MYH10: variants seen among roughly 807,000 people sequenced by gnomAD.
MYH10 encodes the protein myosin heavy chain 10, also known as myosin-10.
A neutral mutation model predicts 257.8 loss-of-function variants in MYH10; 55 were observed. The observed-to-expected ratio is 0.21, with a 90% CI of 0.17 to 0.27. MYH10 has a LOEUF of 0.27. MYH10 is among the 10% of genes least tolerant of loss of function. The pLI, the probability that MYH10 is intolerant of heterozygous loss-of-function variation, is 1.00. For synonymous variants in MYH10, 854 were observed against 921.7 expected (o/e 0.93, Z 1.33); for missense variants, 1,631 against 2,500.6 (o/e 0.65, Z 7.42).
chr17:8,538,325 C>T (rs1022283762), intron 14 of MYH10, among the ~76,000 whole-genome samples: 18 of 152,206 alleles, frequency 1.2e-4, no homozygotes, highest in South Asian at 6.2e-4. Flanking sequence ...CCTGCTTCAG[C>T]CTCCCGAGTA....
intron 17 of MYH10, among the ~76,000 whole-genome samples, chr17:8,526,187 T>C (rs914577825): frequency 1.3e-5 from 2 of 152,332 alleles, no homozygotes; most frequent in South Asian, 4.1e-4. Flanking sequence ...ATTAAATGAT[T>C]TGAGCCACAC....
At chr17:8,606,376 T>C (rs968412384) in intron 2 of MYH10, among the ~76,000 whole-genome samples, 2 of 152,188 alleles carry the variant, frequency 1.3e-5, no homozygotes, top group African/African-American at 4.8e-5. Context: ...GGAAGGGCAC[T>C]CAGTTGCATT....
rs570722190 is a variant in MYH10 at position 8,549,871 on chromosome 17, G to A, written c.920-1084C>T. Among the ~76,000 whole-genome samples, 3 of 151,160 alleles carry A rather than the reference G, an allele frequency of 2.0e-5. No individual in the cohort carries two copies. In the East Asian group the frequency reaches 5.9e-4, roughly 29 times the overall value. On this transcript the variant is annotated intron_variant, in intron 9 of 42. Transcript: ENST00000360416. ...GCGCCGCCACGCCTGACTGGTTTTG[G>A]TGGAGACGGGGTTTCGCTGTGTTGG...
At chr17:8,526,629 GC>G (rs57215091) in intron 17 of MYH10, among the ~76,000 whole-genome samples, 65,827 of 151,642 alleles carry the variant, frequency 0.43, 14,284 homozygotes, top group East Asian at 0.5. Flanking sequence ...TATTCGCATA[GC>G]TTTAAGAGAG....
At chr17:8,525,559 G>A (rs138135470) in intron 17 of MYH10, among the ~76,000 whole-genome samples, 1 of 152,330 alleles carries the variant, frequency 6.6e-6, no homozygotes, top group East Asian at 1.9e-4. Context: ...TACAACAAAA[G>A]AGGAAGAGCA....
intron 2 of MYH10, among the ~76,000 whole-genome samples, chr17:8,621,880 C>T (rs1296019262): frequency 6.6e-6 from 1 of 152,222 alleles, no homozygotes; most frequent in Non-Finnish European, 1.5e-5. Context: ...CTTACTCTCT[C>T]CATAGCCTTG....
intron 28 of MYH10, among the ~76,000 whole-genome samples, chr17:8,503,871 T>A (rs1373339456): frequency 6.6e-6 from 1 of 152,042 alleles, no homozygotes; most frequent in Admixed American, 6.5e-5. Flanking sequence ...GGTTCCCTTC[T>A]GGCTAGGACT....
In MYH10 at chr17:8,535,533, T is replaced by C. The variant is rs751377291; in HGVS notation, c.1780-32A>G. 1 of 1,554,812 alleles carries C rather than the reference T, an allele frequency of 6.4e-7. No homozygotes were observed. The highest frequency in any genetic ancestry group is 1.2e-5 in the South Asian group (1 of 86,598). ...CGCACCAAAGCCAAAAGTGGTGAAA[T>C]GGAGAACACAAAACCAAATGCAAAA... On this transcript the variant is annotated intron_variant, in intron 15 of 42. Coordinates refer to ENST00000360416, the MANE Select transcript of MYH10 (RefSeq NM_001256012.3). This position sits in a 1 kb window ranked among gnomAD's most constrained non-coding sequence, Gnocchi z 4.3.
intron 9 of MYH10, among the ~76,000 whole-genome samples, chr17:8,551,110 CTG>C (rs2082628328): frequency 1.3e-5 from 2 of 149,278 alleles, no homozygotes; most frequent in South Asian, 4.2e-4. Context: ...AAGTCCCCCT[CTG>C]TGAGAAACAC....
At chr17:8,559,137 C>A (rs766241756) in intron 7 of MYH10, among the ~76,000 whole-genome samples, 1 of 152,122 alleles carries the variant, frequency 6.6e-6, no homozygotes, top group African/African-American at 2.4e-5. Flanking sequence ...TAGGCTATCA[C>A]CTGGAGACTC....
intron 9 of MYH10, among the ~76,000 whole-genome samples, chr17:8,551,726 A>G (rs1030439120): frequency 4.6e-5 from 7 of 152,312 alleles, no homozygotes; most frequent in African/African-American, 1.7e-4. Context: ...TCATTAGGTA[A>G]ATTTCTTTTC....
At chr17:8,495,719 T>G (rs1304846582) in intron 30 of MYH10, among the ~76,000 whole-genome samples, 1 of 152,066 alleles carries the variant, frequency 6.6e-6, no homozygotes, top group Non-Finnish European at 1.5e-5. Flanking sequence ...AAGAAAGTTT[T>G]TTTTTTTTTT....
intron 2 of MYH10, among the ~76,000 whole-genome samples, chr17:8,607,271 GA>G (rs1448180100): frequency 6.6e-6 from 1 of 152,136 alleles, no homozygotes; most frequent in Non-Finnish European, 1.5e-5. Flanking sequence ...AAAGCTCCAA[GA>G]AAACGAAAAT....
At chr17:8,561,938 C>A (rs2083011839) in intron 7 of MYH10, among the ~76,000 whole-genome samples, 1 of 152,136 alleles carries the variant, frequency 6.6e-6, no homozygotes, top group African/African-American at 2.4e-5. Flanking sequence ...GACAGGGCTG[C>A]AGGGGCCTGT....
At chr17:8,624,881 C>T (rs2085611434) in intron 1 of MYH10, among the ~76,000 whole-genome samples, 2 of 152,116 alleles carry the variant, frequency 1.3e-5, no homozygotes, top group Admixed American at 1.3e-4. Flanking sequence ...TAGCAAGATC[C>T]CGCCTCTACA....
chr17:8,511,015 C>CATATATATATATATAT (rs56144668), intron 24 of MYH10: 1 of 120,544 alleles, frequency 8.3e-6, no homozygotes, highest in African/African-American at 3.9e-5. Context: ...TCATGTACCC[C>CATATATATATATATAT]ATATATATAT....
chr17:8,582,567 T>C (rs2083748676), intron 4 of MYH10, among the ~76,000 whole-genome samples: 1 of 152,350 alleles, frequency 6.6e-6, no homozygotes, highest in Non-Finnish European at 1.5e-5. Flanking sequence ...GCAAGGAGGC[T>C]TCTAGCTGGA....
intron 4 of MYH10, among the ~76,000 whole-genome samples, chr17:8,586,414 C>G (rs2083919789): frequency 6.6e-6 from 1 of 152,092 alleles, no homozygotes; most frequent in African/African-American, 2.4e-5. Flanking sequence ...GGATGACAGA[C>G]AGGATAAAGC....
rs752862473 is a variant in MYH10 at position 8,490,309 on chromosome 17, CTTG to C, written c.4884+28_4884+30del. 5.6e-6 allele frequency: 9 copies of C among 1,605,810 alleles called. No individual in the cohort carries two copies. In the Admixed American group the frequency reaches 1.0e-4, roughly 18 times the overall value. The stretch of plus-strand genomic sequence containing the variant: ...AGCTGGGCTTTGAGAGCCTGCACCC[CTTG>C]TTGTGGAGGCCGCACCCTCTGCCCT... On this transcript the variant is annotated intron_variant, in intron 35 of 42. Transcript: ENST00000360416. The surrounding 1 kb of genome is among the most constrained non-coding windows in gnomAD (Gnocchi z 4.1).
Sources: gnomAD v4.1 joint callset for allele counts (sites outside exome capture counted in the v4.1 genomes callset) on GRCh38, gnomAD v4.1.1 for gene constraint, Gnocchi (gnomAD v3.1) non-coding constraint, MANE v1.5 for transcripts, NCBI Gene and HGNC (gene_info 2026-07-23, HGNC 2026-07-21) for gene names.